CTSC: variants seen among roughly 807,000 people sequenced by gnomAD.
CTSC encodes cathepsin C.
CTSC carries 37 observed loss-of-function variants against 40.9 expected under a neutral mutation model. That is an observed-to-expected ratio of 0.91 (90% CI 0.70 to 1.19). The LOEUF (loss-of-function observed/expected upper bound fraction) is 1.19, where lower values mean the gene tolerates loss of function less well. Ranked by LOEUF, CTSC falls within the 50% of genes most tolerant of loss-of-function variation. The pLI is 0.00. For synonymous variants in CTSC, 232 were observed against 207.4 expected (o/e 1.12, Z -1.02); for missense variants, 594 against 567.3 (o/e 1.05, Z -0.48).
At position 88,296,256 on chromosome 11, in the gene CTSC, C is replaced by T; in HGVS notation, c.766G>A (p.Gly256Ser). 1 of 1,613,752 alleles carries T rather than the reference C, an allele frequency of 6.2e-7. No homozygotes were observed. The highest frequency in any genetic ancestry group is 8.5e-7 in the Non-Finnish European group (1 of 1,179,840). Reference sequence around the variant, plus strand: ...ATAGAAGCAAATGAGTAGCAGCTGCCACAGGATGCTGGCGATGAAAAAAAG... The same window carrying T: ...ATAGAAGCAAATGAGTAGCAGCTGCTACAGGATGCTGGCGATGAAAAAAAG... ...VSPVRNQASC[G>S]SCYSFASMGM... Residue 256 changes from glycine to serine, a missense_variant, in exon 6 of 7, where the codon GGC (glycine) becomes AGC (serine). By Grantham distance (56) the Gly-to-Ser change is moderately conservative (BLOSUM62 0). Coordinates refer to ENST00000227266, the MANE Select transcript of CTSC (RefSeq NM_001814.6).
At chr11:88,303,250 A>G (rs1013167310) in intron 4 of CTSC, among the ~76,000 whole-genome samples, 2 of 152,190 alleles carry the variant, frequency 1.3e-5, no homozygotes, top group African/African-American at 4.8e-5. Context: ...TTCACAGTGA[A>G]TACTAGCTGG....
At position 88,300,591 on chromosome 11, in the gene CTSC, T is replaced by G. The variant is rs2134771004; in HGVS notation, c.696A>C (p.Pro232=). The change falls in exon 5 of 7, where the codon CCA becomes CCC. Residue 232 remains proline, a synonymous_variant. Coordinates refer to ENST00000227266, the MANE Select transcript of CTSC (RefSeq NM_001814.6). ...AEIQQKILHL[P]TSWDWRNVHG... ...GAACATTTCTCCAGTCCCAAGATGT[T>G]GGCAAATGCAAAATCTTTTGCTGTA... 6.2e-7 allele frequency: 1 copy of G among 1,614,016 alleles called. No homozygotes were observed. Among genetic ancestry groups the G allele is most frequent in the Non-Finnish European group, 8.5e-7 (1 of 1,179,870 alleles).
intron 2 of CTSC, chr11:88,323,636 A>G (rs996021808): frequency 9.9e-5 from 15 of 152,174 alleles, no homozygotes; most frequent in African/African-American, 3.6e-4. Context: ...AAAGGCAAGC[A>G]GAGAGCAAAA....
Position 88,311,445 on chromosome 11 carries a change from C to T in CTSC, c.485+943G>A, listed in dbSNP as rs150490277. Among the ~76,000 whole-genome samples, 258 of 152,274 alleles carry T rather than the reference C, an allele frequency of 1.7e-3. 1 individual carries two copies. The highest frequency in any genetic ancestry group is 5.6e-3 in the African/African-American group (231 of 41,556). ...TGGCTTGGGATGATTTGTACATGTA[C>T]ATTTTTAGTGGCTTTTACAACTACA... On this transcript the variant is annotated intron_variant, in intron 3 of 6. Coordinates refer to ENST00000227266, the MANE Select transcript of CTSC (RefSeq NM_001814.6).
At chr11:88,303,914 CAGAGAG>C (rs147665714) in intron 4 of CTSC, among the ~76,000 whole-genome samples, 1 of 148,190 alleles carries the variant, frequency 6.7e-6, no homozygotes, top group South Asian at 2.1e-4. Flanking sequence ...GGAAGAAGAT[CAGAGAG>C]AGAGAGAGAG....
chr11:88,334,744 T>G, intron 2 of CTSC, 193 bp downstream of exon 2: 1 of 577,230 alleles, frequency 1.7e-6, no homozygotes, highest in South Asian at 2.2e-5. Flanking sequence ...CACTGGTATT[T>G]TGTAAACCTA....
rs775951693 is a variant in CTSC, at chr11:88,312,505, G to A, written c.368C>T (p.Thr123Ile). 1.2e-6 allele frequency: 2 copies of A among 1,614,010 alleles called. No homozygotes were observed. ...KVTTYCNETM[T>I]GWVHDVLGRN... is the part of the protein sequence containing the mutation. ...GCCCAACACATCATGCACCCACCCA[G>A]TCATTGTCTCGTTGCAGTAAGTGGT... Residue 123 changes from threonine (T) to isoleucine (I), a missense_variant, in exon 3 of 7, where the codon ACT (threonine) becomes ATT (isoleucine). By Grantham distance (89) the Thr-to-Ile change is moderately conservative (BLOSUM62 -1). Transcript: ENST00000227266.
At chr11:88,309,612 C>A (rs1937703890) in intron 3 of CTSC, among the ~76,000 whole-genome samples, 1 of 152,032 alleles carries the variant, frequency 6.6e-6, no homozygotes, top group Non-Finnish European at 1.5e-5. Flanking sequence ...AATGATGTTT[C>A]ATTTTCTATA....
intron 2 of CTSC, among the ~76,000 whole-genome samples, chr11:88,331,217 T>C (rs1938346855): frequency 6.6e-6 from 1 of 152,186 alleles, no homozygotes; most frequent in Non-Finnish European, 1.5e-5. Context: ...CAATGCTACC[T>C]ACCAGGAGAC....
intron 4 of CTSC, among the ~76,000 whole-genome samples, chr11:88,302,332 T>C (rs1944374074): frequency 6.6e-6 from 1 of 152,036 alleles, no homozygotes; most frequent in Non-Finnish European, 1.5e-5. Context: ...AGGTTAAGAA[T>C]ACATGACAAG....
chr11:88,325,064 A>G, intron 2 of CTSC: 2 of 983,550 alleles, frequency 2.0e-6, no homozygotes, highest in Non-Finnish European at 1.2e-6. Flanking sequence ...ACATAACCCC[A>G]TAATTTCAGG....
intron 2 of CTSC, chr11:88,323,635 CAG>C (rs1445120961): frequency 1.3e-5 from 2 of 151,998 alleles, no homozygotes; most frequent in Non-Finnish European, 2.9e-5. Flanking sequence ...AAAAGGCAAG[CAG>C]AGAGCAAAAT....
intron 2 of CTSC, among the ~76,000 whole-genome samples, chr11:88,329,888 G>A (rs1463521100): frequency 1.3e-5 from 2 of 152,152 alleles, no homozygotes; most frequent in Non-Finnish European, 2.9e-5. Context: ...TGCTATGCCT[G>A]GCTAATTTTT....
intron 2 of CTSC, among the ~76,000 whole-genome samples, chr11:88,316,473 C>A (rs934755975): frequency 3.7e-4 from 18 of 48,700 alleles, no homozygotes; most frequent in East Asian, 3.4e-3. Context: ...CAGATCCATT[C>A]TCTAAATAAA....
At chr11:88,321,169 A>T in intron 2 of CTSC, 1 of 388,634 alleles carries the variant, frequency 2.6e-6, no homozygotes, top group Non-Finnish European at 3.5e-6. Flanking sequence ...GTTCCAGGGT[A>T]CATGTGTAGG....
intron 1 of CTSC, among the ~76,000 whole-genome samples, chr11:88,337,067 A>G (rs1406186439): frequency 6.6e-6 from 1 of 152,200 alleles, no homozygotes; most frequent in Non-Finnish European, 1.5e-5. Flanking sequence ...ACCATCTAAC[A>G]AAAAGAGAAA....
chr11:88,328,619 G>C (rs1273853187), intron 2 of CTSC, among the ~76,000 whole-genome samples: 4 of 152,036 alleles, frequency 2.6e-5, no homozygotes, highest in Non-Finnish European at 5.9e-5. Flanking sequence ...TCAACATAGA[G>C]TTCTTGTTTC....
At chr11:88,314,720 G>T (rs951355558) in intron 2 of CTSC, among the ~76,000 whole-genome samples, 1 of 152,044 alleles carries the variant, frequency 6.6e-6, no homozygotes, top group Non-Finnish European at 1.5e-5. Context: ...TAGAGATAGG[G>T]TTTCACCATG....
chr11:88,313,194 C>T (rs778233648), intron 2 of CTSC, among the ~76,000 whole-genome samples: 1 of 152,114 alleles, frequency 6.6e-6, no homozygotes, highest in African/African-American at 2.4e-5. Flanking sequence ...CTCAACCTCC[C>T]GAGTAGCTGG....
Sources: allele counts gnomAD v4.1 joint callset (sites outside exome capture counted in the v4.1 genomes callset), GRCh38; gene constraint gnomAD v4.1.1; transcripts MANE v1.5; gene names NCBI Gene and HGNC (gene_info 2026-07-23, HGNC 2026-07-21).